The following ASXL1 variants were observed in gnomAD, a reference collection of about 807,000 sequenced individuals.
ASXL1 encodes the protein polycomb group protein ASXL1.
A neutral mutation model predicts 89.1 loss-of-function variants in ASXL1; 65 were observed. The observed-to-expected ratio is 0.73, with a 90% CI of 0.60 to 0.90. ASXL1 has a LOEUF of 0.90. Ranked by LOEUF, ASXL1 falls within the 40% of genes least tolerant of loss-of-function variation. ASXL1 has a pLI of 0.00. For missense variants in ASXL1, 1,786 were observed against 1,942.9 expected (o/e 0.92, Z 1.52); for synonymous variants, 739 against 746.9 (o/e 0.99, Z 0.17).
intron 4 of ASXL1, among the ~76,000 whole-genome samples, chr20:32,377,050 T>C (rs1229660889): frequency 7.1e-6 from 1 of 140,580 alleles, no homozygotes; most frequent in East Asian, 2.0e-4. Flanking sequence ...ACAACAGATA[T>C]AATATGTCTA....
At chr20:32,380,031 C>T (rs1451665877) in intron 4 of ASXL1, among the ~76,000 whole-genome samples, 1 of 152,064 alleles carries the variant, frequency 6.6e-6, no homozygotes. Flanking sequence ...CCTGTAATCC[C>T]AGCACTTTGG....
At chr20:32,368,917 C>T (rs1389840297) in intron 3 of ASXL1, 98 bp from the exon 4 acceptor site, 3 of 955,164 alleles carry the variant, frequency 3.1e-6, no homozygotes, top group African/African-American at 3.3e-5. Context: ...GTATTTCTTG[C>T]TTAGCTTCTT....
intron 4 of ASXL1, among the ~76,000 whole-genome samples, chr20:32,385,215 A>G (rs1007685963): frequency 5.3e-5 from 8 of 152,234 alleles, no homozygotes; most frequent in African/African-American, 1.7e-4. Context: ...CAAGTCCTAT[A>G]ATAATGAGGA....
Position 32,382,119 on chromosome 20 carries a change from G to C in ASXL1, c.252+12996G>C, listed in dbSNP as rs1027091577. The stretch of plus-strand genomic sequence containing the variant: ...TACAGGCATGAGGCCACCAGGCCTG[G>C]CTATTTTTATTTTTTATTTTTTATT... On this transcript the variant is annotated intron_variant, in intron 4 of 12. Coordinates refer to ENST00000375687, the MANE Select transcript of ASXL1 (RefSeq NM_015338.6). 2.0e-5 allele frequency among the ~76,000 whole-genome samples: 3 copies of C among 151,770 alleles called. No individual in the cohort carries two copies. In the South Asian group the frequency reaches 6.2e-4, roughly 32 times the overall value.
Position 32,428,244 on chromosome 20 carries a change from C to T in ASXL1, c.369C>T (p.Asn123=), listed in dbSNP as rs376332327. The change falls in exon 5 of 13, where the codon AAC becomes AAT. Residue 123 remains asparagine, a synonymous_variant. Transcript: ENST00000375687. ...SNEASTVSGE[N]DVSLDETSSN... ...AAGCCAGCACTGTGAGTGGTGAAAA[C>T]GATGGTAAGGACCCTTTAATGGATG... 95 of 1,614,014 alleles carry T rather than the reference C, an allele frequency of 5.9e-5. No homozygotes were observed. Among genetic ancestry groups the T allele is most frequent in the Admixed American group, 1.3e-4 (8 of 59,992 alleles).
rs1244161898 is a variant in ASXL1 at position 32,436,110 on chromosome 20, C to T, written c.3398C>T (p.Ser1133Phe). The change falls in exon 13 of 13, where the codon TCC becomes TTC. Residue 1133 changes from serine (S) to phenylalanine (F), a missense_variant. Transcript: ENST00000375687. Reference protein sequence around the residue: ...PPAHDDSMSESPQVPLTKDQS... With the variant: ...PPAHDDSMSEFPQVPLTKDQS... ...GCCCACGATGACAGCATGTCAGAAT[C>T]CCCACAAGTACCACTTACAAAAGAC... 2.5e-6 allele frequency: 4 copies of T among 1,614,076 alleles called. No individual in the cohort carries two copies. The Admixed American group carries it at 6.7e-5, about 27-fold the overall frequency.
At chr20:32,378,310 A>G (rs1276545286) in intron 4 of ASXL1, among the ~76,000 whole-genome samples, 1 of 151,864 alleles carries the variant, frequency 6.6e-6, no homozygotes, top group African/African-American at 2.4e-5. Context: ...GTGAACCACC[A>G]TGCCCAGCCT....
intron 11 of ASXL1, 142 bp from the exon 12 acceptor site, chr20:32,433,142 G>C (rs1482392349): frequency 3.1e-5 from 48 of 1,535,370 alleles, no homozygotes; most frequent in Non-Finnish European, 3.9e-5. Context: ...GAAGCTAACA[G>C]AAGTTTTTCC....
At chr20:32,402,610 A>G (rs952239446) in intron 4 of ASXL1, among the ~76,000 whole-genome samples, 2 of 152,148 alleles carry the variant, frequency 1.3e-5, no homozygotes. Flanking sequence ...CTGCTTTTTT[A>G]TTAGCACTTT....
At position 32,429,121 on chromosome 20, in the gene ASXL1, A is replaced by T. The variant is rs559167458; in HGVS notation, c.472-217A>T. On this transcript the variant is annotated intron_variant, in intron 6 of 12. Coordinates refer to ENST00000375687, the MANE Select transcript of ASXL1 (RefSeq NM_015338.6). This position sits in a 1 kb window ranked among gnomAD's most constrained non-coding sequence, Gnocchi z 4.9. ...AAAATTCCTTACCTGTAAAATGGGG[A>T]TAACAGTACATTTTTGTAGCTTGGA... 8.7e-6 allele frequency: 5 copies of T among 577,834 alleles called. No homozygotes were observed. The highest frequency in any genetic ancestry group is 1.6e-5 in the Non-Finnish European group (5 of 320,684). 35.8% of individuals were successfully genotyped at this position (577,834 alleles called of 1,614,324 possible).
chr20:32,416,111 G>T (rs951716135), intron 4 of ASXL1, among the ~76,000 whole-genome samples: 1 of 151,884 alleles, frequency 6.6e-6, no homozygotes, highest in African/African-American at 2.4e-5. Flanking sequence ...GTATTTTGGG[G>T]GTACAGGTGA....
intron 4 of ASXL1, among the ~76,000 whole-genome samples, chr20:32,424,286 G>A (rs997628190): frequency 1.1e-4 from 17 of 152,212 alleles, no homozygotes; most frequent in Admixed American, 3.3e-4. Flanking sequence ...TGTAATCCCA[G>A]TACTTTGGGA....
chr20:32,430,505 G>A (rs2011483198), intron 8 of ASXL1: 2 of 239,866 alleles, frequency 8.3e-6, no homozygotes, highest in African/African-American at 2.2e-5. Flanking sequence ...TTTTGGGGAT[G>A]CAAACAAATT....
intron 4 of ASXL1, among the ~76,000 whole-genome samples, chr20:32,380,708 T>TA (rs1375033339): frequency 6.6e-6 from 1 of 152,108 alleles, no homozygotes; most frequent in African/African-American, 2.4e-5. Flanking sequence ...ATCAAGCCAC[T>TA]AGACTCTATC....
At chr20:32,407,298 C>T (rs1021817526) in intron 4 of ASXL1, among the ~76,000 whole-genome samples, 6 of 150,168 alleles carry the variant, frequency 4.0e-5, no homozygotes, top group Admixed American at 6.7e-5. Flanking sequence ...GAGCTGAGAT[C>T]GTGCCACTGC....
At position 32,359,426 on chromosome 20, in the gene ASXL1, G is replaced by A. The variant is rs541833779; in HGVS notation, c.57+594G>A. The A allele has an allele frequency of 7.3e-5, 51 of 701,974 alleles. No homozygotes were observed. In the South Asian group the frequency reaches 7.4e-4, roughly 10 times the overall value. 43.5% of individuals were successfully genotyped at this position (701,974 alleles called of 1,614,324 possible). The stretch of plus-strand genomic sequence containing the variant: ...GTCCTGTGGGCGACACCTGGGAGGC[G>A]GTTAGGAACGCTACTCCTAGGGCCC... On this transcript the variant is annotated intron_variant, in intron 1 of 12. Coordinates refer to ENST00000375687, the MANE Select transcript of ASXL1 (RefSeq NM_015338.6).
chr20:32,423,481 C>T (rs1020276252), intron 4 of ASXL1, among the ~76,000 whole-genome samples: 1 of 151,946 alleles, frequency 6.6e-6, no homozygotes, highest in Non-Finnish European at 1.5e-5. Flanking sequence ...TTCAGGTGGT[C>T]CCCCCATCTC....
chr20:32,418,626 C>T (rs2049179957), intron 4 of ASXL1, among the ~76,000 whole-genome samples: 1 of 152,034 alleles, frequency 6.6e-6, no homozygotes, highest in African/African-American at 2.4e-5. Context: ...TCCCTAGCAT[C>T]ACCAGTCTAC....
At position 32,429,857 on chromosome 20, in the gene ASXL1, G is replaced by T. The variant is rs959295490; in HGVS notation, c.566-44G>T. ...ATGAGCTTGTCTGAGAGCCATGGGC[G>T]CGGCTTGGTGATACTTTTGACCAGT... On this transcript the variant is annotated intron_variant, in intron 7 of 12. Transcript: ENST00000375687. The surrounding 1 kb of genome is among the most constrained non-coding windows in gnomAD (Gnocchi z 4.9). 6.2e-7 allele frequency: 1 copy of T among 1,600,290 alleles called. No homozygotes were observed. The highest frequency in any genetic ancestry group is 8.5e-7 in the Non-Finnish European group (1 of 1,177,226).
Sources: gnomAD v4.1 joint callset for allele counts (sites outside exome capture counted in the v4.1 genomes callset) on GRCh38, gnomAD v4.1.1 for gene constraint, Gnocchi (gnomAD v3.1) non-coding constraint, MANE v1.5 for transcripts, NCBI Gene and HGNC (gene_info 2026-07-23, HGNC 2026-07-21) for gene names.